The following DLG2 variants were observed in gnomAD, a reference collection of about 807,000 sequenced individuals.
DLG2 encodes disks large homolog 2.
A neutral mutation model predicts 132.5 loss-of-function variants in DLG2; 45 were observed. That is an observed-to-expected ratio of 0.34 (90% CI 0.27 to 0.44). DLG2 has a LOEUF of 0.44. DLG2 is among the 20% of genes least tolerant of loss of function. DLG2 has a pLI of 1.00. For missense variants in DLG2, 1,045 were observed against 1,196.9 expected (o/e 0.87, Z 1.87); for synonymous variants, 424 against 419.6 (o/e 1.01, Z -0.13).
At chr11:84,606,351 G>C (rs972816265) in intron 6 of DLG2, among the ~76,000 whole-genome samples, 8 of 152,040 alleles carry the variant, frequency 5.3e-5, no homozygotes, top group African/African-American at 1.9e-4. Context: ...TATATAATGT[G>C]TGTCACTGTT....
chr11:83,626,738 T>C (rs1591217553), intron 19 of DLG2, among the ~76,000 whole-genome samples: 1 of 152,174 alleles, frequency 6.6e-6, no homozygotes. Context: ...ATAACATATA[T>C]GGAGACTTGG....
intron 21 of DLG2, among the ~76,000 whole-genome samples, chr11:83,527,949 TA>T: frequency 6.6e-6 from 1 of 152,198 alleles, no homozygotes; most frequent in South Asian, 2.1e-4. Context: ...GAAATTGATT[TA>T]AAAAAAGGTA....
intron 9 of DLG2, among the ~76,000 whole-genome samples, chr11:84,110,800 A>G (rs1393875069): frequency 1.3e-5 from 2 of 152,206 alleles, no homozygotes; most frequent in Admixed American, 6.5e-5. Flanking sequence ...TGTAGTTGGC[A>G]GTCTGTGAAG....
intron 7 of DLG2, among the ~76,000 whole-genome samples, chr11:84,305,030 C>T (rs2098200198): frequency 6.6e-6 from 1 of 151,578 alleles, no homozygotes; most frequent in Admixed American, 6.6e-5. Flanking sequence ...GTGCCTTTAC[C>T]AAAGTAAAAG....
At chr11:85,132,192 G>C (rs1206701883) in intron 5 of DLG2, among the ~76,000 whole-genome samples, 1 of 151,970 alleles carries the variant, frequency 6.6e-6, no homozygotes, top group Admixed American at 6.5e-5. Context: ...GCAAATATTT[G>C]TGTATAATTA....
intron 6 of DLG2, among the ~76,000 whole-genome samples, chr11:84,642,067 TGTGTGTGTGTGTGTGTATATGTAGA>T (rs971476228): frequency 1.2e-4 from 15 of 130,276 alleles, no homozygotes; most frequent in East Asian, 2.1e-4. Context: ...TACGCACGCG[TGTGTGTGTGTGTGTGTATATGTAGA>T]GTGTGTGTGT....
intron 11 of DLG2, among the ~76,000 whole-genome samples, chr11:84,005,195 A>C (rs538764208): frequency 3.3e-3 from 496 of 152,088 alleles, no homozygotes; most frequent in Non-Finnish European, 5.7e-3. Context: ...AAATACATCC[A>C]CATGTTTATA....
intron 8 of DLG2, among the ~76,000 whole-genome samples, chr11:84,236,086 A>T (rs2097155207): frequency 6.6e-6 from 1 of 151,222 alleles, no homozygotes; most frequent in African/African-American, 2.4e-5. Flanking sequence ...CAGAGAGCTT[A>T]AGTAATTTCC....
chr11:84,298,116 T>G (rs1484006403), intron 7 of DLG2, among the ~76,000 whole-genome samples: 2 of 152,330 alleles, frequency 1.3e-5, no homozygotes, highest in East Asian at 3.9e-4. Context: ...CTTTCATATT[T>G]CTCTACTACA....
chr11:84,714,647 T>TTCTCTCTCTC (rs754541162), intron 6 of DLG2, among the ~76,000 whole-genome samples: 2 of 90,650 alleles, frequency 2.2e-5, no homozygotes, highest in Admixed American at 1.1e-4. Context: ...CTCTCTCTCT[T>TTCTCTCTCTC]TCTCTCTCTC....
At chr11:84,427,345 A>T (rs1302158714) in intron 7 of DLG2, among the ~76,000 whole-genome samples, 1 of 152,192 alleles carries the variant, frequency 6.6e-6, no homozygotes, top group Non-Finnish European at 1.5e-5. Context: ...TAAACCCATG[A>T]AAAGGTGGTT....
At chr11:85,310,650 T>C (rs184312076) in intron 3 of DLG2, among the ~76,000 whole-genome samples, 3 of 152,334 alleles carry the variant, frequency 2.0e-5, no homozygotes, top group Admixed American at 2.0e-4. Flanking sequence ...CTGTTGCTAA[T>C]GGTAACAGGA....
intron 18 of DLG2, among the ~76,000 whole-genome samples, chr11:83,650,102 T>C (rs1471911325): frequency 6.6e-6 from 1 of 152,218 alleles, no homozygotes; most frequent in Non-Finnish European, 1.5e-5. Context: ...CCATAAGTAG[T>C]GCCAATGCAA....
chr11:83,668,746 AAC>A (rs1368071683), intron 18 of DLG2, among the ~76,000 whole-genome samples: 1 of 123,256 alleles, frequency 8.1e-6, no homozygotes, highest in Non-Finnish European at 1.7e-5. Flanking sequence ...TGTGTATATA[AAC>A]ACACATATAT....
At chr11:84,562,024 T>C (rs1466997585) in intron 6 of DLG2, among the ~76,000 whole-genome samples, 3 of 152,110 alleles carry the variant, frequency 2.0e-5, no homozygotes, top group African/African-American at 4.8e-5. Context: ...ATACCCCTTA[T>C]GTAACCATAA....
intron 18 of DLG2, chr11:83,645,934 T>A (rs1333461462): frequency 4.6e-5 from 7 of 152,184 alleles, no homozygotes; most frequent in Non-Finnish European, 7.4e-5. Context: ...ATGGTATTCA[T>A]GCTTTAAATC....
intron 2 of DLG2, among the ~76,000 whole-genome samples, chr11:85,611,875 G>T (rs766174647): frequency 6.6e-6 from 1 of 152,176 alleles, no homozygotes; most frequent in South Asian, 2.1e-4. Flanking sequence ...GAAGGAGAGG[G>T]GAGAACAGCA....
intron 6 of DLG2, among the ~76,000 whole-genome samples, chr11:84,690,984 G>A (rs1211702277): frequency 1.8e-4 from 27 of 151,768 alleles, no homozygotes; most frequent in Non-Finnish European, 1.5e-5. Flanking sequence ...GCTCTCTACT[G>A]TAAGACAAAA....
At chr11:84,529,958 G>T (rs1398187235) in intron 7 of DLG2, among the ~76,000 whole-genome samples, 3 of 152,110 alleles carry the variant, frequency 2.0e-5, no homozygotes. Context: ...AAGACCAAGG[G>T]AACAGAACAG....
Sources: allele counts gnomAD v4.1 joint callset (sites outside exome capture counted in the v4.1 genomes callset), GRCh38; gene constraint gnomAD v4.1.1; transcripts MANE v1.5; gene names NCBI Gene and HGNC (gene_info 2026-07-23, HGNC 2026-07-21).